Variants in PRKCH observed in about 807,000 individuals in gnomAD.
PRKCH encodes protein kinase C eta, also known as protein kinase C eta type.
In PRKCH, 28 loss-of-function variants were observed where a neutral mutation model predicts 82.5. The observed-to-expected ratio is 0.34, with a 90% CI of 0.25 to 0.47. The LOEUF (loss-of-function observed/expected upper bound fraction) is 0.47, where lower values mean the gene tolerates loss of function less well. PRKCH is among the 20% of genes least tolerant of loss of function. The pLI is 1.00. For missense variants in PRKCH, 705 were observed against 881.8 expected (o/e 0.80, Z 2.54); for synonymous variants, 322 against 327.4 (o/e 0.98, Z 0.18).
intron 10 of PRKCH, among the ~76,000 whole-genome samples, chr14:61,505,264 G>A (rs1887085184): frequency 6.6e-6 from 1 of 152,092 alleles, no homozygotes; most frequent in Non-Finnish European, 1.5e-5. Flanking sequence ...CAAGGTCAAG[G>A]TACCAGCAGA....
At chr14:61,224,532 A>G (rs2044681017) in intron 1 of PRKCH, among the ~76,000 whole-genome samples, 1 of 152,126 alleles carries the variant, frequency 6.6e-6, no homozygotes, top group Non-Finnish European at 1.5e-5. Flanking sequence ...TGACCTTGAC[A>G]GTCCTGAGGA....
At chr14:61,459,871 G>A (rs1884950955) in intron 9 of PRKCH, among the ~76,000 whole-genome samples, 1 of 152,082 alleles carries the variant, frequency 6.6e-6, no homozygotes, top group South Asian at 2.1e-4. Context: ...TTTTGAGACA[G>A]GGTCTCACTT....
intron 9 of PRKCH, among the ~76,000 whole-genome samples, chr14:61,458,455 C>T (rs1345245442): frequency 1.3e-5 from 2 of 152,090 alleles, no homozygotes; most frequent in Admixed American, 1.3e-4. Flanking sequence ...CCCTAGATGC[C>T]ACACCTTGGC....
At chr14:61,291,367 G>A (rs778431781) in intron 1 of PRKCH, among the ~76,000 whole-genome samples, 3 of 121,600 alleles carry the variant, frequency 2.5e-5, no homozygotes, top group Admixed American at 1.1e-4. Flanking sequence ...GTCTCGCCCT[G>A]TCACCAGGCT....
chr14:61,298,831 T>C (rs577828900), intron 1 of PRKCH: 3 of 152,310 alleles, frequency 2.0e-5, no homozygotes, highest in African/African-American at 7.2e-5. Flanking sequence ...AAGAAAGAAT[T>C]TGACCAAGGG....
chr14:61,444,678 A>G (rs1884135744), intron 3 of PRKCH, among the ~76,000 whole-genome samples: 1 of 152,164 alleles, frequency 6.6e-6, no homozygotes, highest in African/African-American at 2.4e-5. Context: ...TATGGCTAAG[A>G]GTATGGACTC....
intron 10 of PRKCH, among the ~76,000 whole-genome samples, chr14:61,512,249 CTTTTTTTTTT>C (rs11342820): frequency 1.7e-5 from 2 of 118,538 alleles, no homozygotes; most frequent in Non-Finnish European, 3.4e-5. Context: ...TCACATGACC[CTTTTTTTTTT>C]TTTTTTTTTT....
In PRKCH at chr14:61,331,463, G is replaced by A. The variant is rs552610510; in HGVS notation, c.363+8999G>A. Among the ~76,000 whole-genome samples, 35 of 152,304 alleles carry A rather than the reference G, an allele frequency of 2.3e-4. No homozygotes were observed. In the South Asian group the frequency reaches 3.7e-3, roughly 16 times the overall value. ...GAGCCTAGGAGTTCAAGGCTGCAGT[G>A]AGAGCTATGATCGAGCTGCTGCTCC... On this transcript the variant is annotated intron_variant, in intron 1 of 13. Transcript: ENST00000332981.
intron 2 of PRKCH, among the ~76,000 whole-genome samples, chr14:61,398,295 G>A (rs982659333): frequency 1.3e-5 from 2 of 151,846 alleles, no homozygotes; most frequent in Non-Finnish European, 2.9e-5. Context: ...GAAGAGTGGA[G>A]TAGCAAAAAA....
At chr14:61,487,257 G>A (rs1192440765) in intron 10 of PRKCH, among the ~76,000 whole-genome samples, 1 of 152,120 alleles carries the variant, frequency 6.6e-6, no homozygotes, top group African/African-American at 2.4e-5. Context: ...GGAAGAGGGT[G>A]CAGAACTGGG....
At chr14:61,250,423 A>G (rs1459159485) in intron 1 of PRKCH, among the ~76,000 whole-genome samples, 2 of 152,172 alleles carry the variant, frequency 1.3e-5, no homozygotes, top group Admixed American at 6.5e-5. Context: ...GAAATGAGCT[A>G]TTAAGCCATG....
intron 1 of PRKCH, among the ~76,000 whole-genome samples, chr14:61,294,716 G>A (rs181299886): frequency 6.4e-4 from 97 of 151,834 alleles, no homozygotes; most frequent in Non-Finnish European, 1.2e-3. Flanking sequence ...AATATTATGC[G>A]TTTTTTATTC....
At chr14:61,249,159 C>T (rs192261219) in intron 1 of PRKCH, among the ~76,000 whole-genome samples, 1 of 152,230 alleles carries the variant, frequency 6.6e-6, no homozygotes, top group East Asian at 1.9e-4. Flanking sequence ...TTATAAGCAG[C>T]ATATTTATTG....
intron 1 of PRKCH, among the ~76,000 whole-genome samples, chr14:61,236,051 T>G: frequency 6.6e-6 from 1 of 152,104 alleles, no homozygotes; most frequent in East Asian, 1.9e-4. Flanking sequence ...GCATTAATAT[T>G]AAAACAGAGA....
At chr14:61,266,454 T>G (rs1015460380) in intron 1 of PRKCH, among the ~76,000 whole-genome samples, 1 of 150,656 alleles carries the variant, frequency 6.6e-6, no homozygotes, top group Non-Finnish European at 1.5e-5. Flanking sequence ...TAAATAAAAA[T>G]TATAGGTCCA....
At chr14:61,262,932 A>G (rs146010575) in intron 1 of PRKCH, among the ~76,000 whole-genome samples, 67 of 152,300 alleles carry the variant, frequency 4.4e-4, no homozygotes, top group African/African-American at 1.6e-3. Context: ...TCACTTTAAT[A>G]TACATTATCT....
intron 1 of PRKCH, among the ~76,000 whole-genome samples, chr14:61,287,533 A>G (rs2045325958): frequency 6.6e-6 from 1 of 152,144 alleles, no homozygotes. Context: ...CAACATAGCG[A>G]GACTCCATCT....
chr14:61,286,890 A>T (rs2045320707), intron 1 of PRKCH, among the ~76,000 whole-genome samples: 1 of 151,908 alleles, frequency 6.6e-6, no homozygotes, highest in African/African-American at 2.4e-5. Context: ...CAGCAGAGGC[A>T]TTAGGTATGG....
intron 1 of PRKCH, among the ~76,000 whole-genome samples, chr14:61,361,484 G>A (rs79366810): frequency 0.07 from 10,642 of 152,278 alleles, 439 homozygotes; most frequent in Middle Eastern, 0.12. Context: ...ATTTCAGAGA[G>A]TTAATTGTTT....
Sources: allele counts gnomAD v4.1 joint callset (sites outside exome capture counted in the v4.1 genomes callset), GRCh38; gene constraint gnomAD v4.1.1; transcripts MANE v1.5; gene names NCBI Gene and HGNC (gene_info 2026-07-23, HGNC 2026-07-21).